The following BDNF variants were observed in gnomAD, a reference collection of about 807,000 sequenced individuals.
The protein encoded by BDNF is brain derived neurotrophic factor, also known as neurotrophic factor BDNF precursor form.
BDNF carries 1 observed loss-of-function variant against 19.5 expected under a neutral mutation model. The ratio of observed to expected loss-of-function variants is 0.05; its 90% CI spans 0.02 to 0.24. The LOEUF is 0.24. Ranked by LOEUF, BDNF falls within the 10% of genes least tolerant of loss-of-function variation. The pLI is 1.00. For synonymous variants in BDNF, 100 were observed against 121.6 expected (o/e 0.82, Z 1.17); for missense variants, 195 against 317.6 (o/e 0.61, Z 2.93).
chr11:27,718,763 A>G (rs1037447572), intron 1 of BDNF, among the ~76,000 whole-genome samples: 1 of 151,814 alleles, frequency 6.6e-6, no homozygotes, highest in Non-Finnish European at 1.5e-5. Flanking sequence ...TTTCCACAAT[A>G]TCCTCGCTTC....
chr11:27,712,205 A>G, intron 1 of BDNF, among the ~76,000 whole-genome samples: 1 of 152,246 alleles, frequency 6.6e-6, no homozygotes, highest in Non-Finnish European at 1.5e-5. Context: ...TGCTGTGTTA[A>G]TAAGTGCTTC....
rs760229139 is a variant in BDNF at position 27,712,861 on chromosome 11, C to T, written c.3+8551G>A. On this transcript the variant is annotated intron_variant, in intron 1 of 1. Transcript: ENST00000314915. ...AAGGGTTTACATAAGCTTTACCAGA[C>T]TGCCAAGAGAGTTGAGTCCATGGCA... Among the ~76,000 whole-genome samples the T allele has an allele frequency of 2.0e-5, 3 of 151,564 alleles. No individual in the cohort carries two copies. The South Asian group carries it at 6.2e-4, about 32-fold the overall frequency.
intron 1 of BDNF, among the ~76,000 whole-genome samples, chr11:27,710,363 C>G (rs1860275299): frequency 6.6e-6 from 1 of 152,082 alleles, no homozygotes; most frequent in Admixed American, 6.6e-5. Flanking sequence ...GGAAGATGCC[C>G]AAGTAGATAT....
At position 27,655,314 on chromosome 11, in the gene BDNF, A is replaced by G. The variant is rs1033412702; in HGVS notation, c.*2507T>C. 6.6e-6 allele frequency: 1 copy of G among 152,656 alleles called. No individual in the cohort carries two copies. The allele number at this position is 152,656 out of a possible 1,614,324, so 9.5% of individuals were successfully genotyped here. ...AATAAATCTTAGGTCAACATAAACC[A>G]TCAAGCATGTGACTGTGATGTATCT... On this transcript the variant is annotated 3_prime_UTR_variant, in exon 2 of 2. Transcript: ENST00000356660.
chr11:27,678,749 C>T (rs1391468060), intron 1 of BDNF, among the ~76,000 whole-genome samples: 1 of 152,108 alleles, frequency 6.6e-6, no homozygotes, highest in African/African-American at 2.4e-5. Context: ...CCCTAGAGGA[C>T]CTTTTACCCC....
chr11:27,698,791 T>C (rs1431402175), intron 1 of BDNF, among the ~76,000 whole-genome samples: 1 of 152,182 alleles, frequency 6.6e-6, no homozygotes, highest in Non-Finnish European at 1.5e-5. Context: ...AGAACATTCC[T>C]GCGTGCTTGT....
upstream of BDNF, among the ~76,000 whole-genome samples, chr11:27,702,711 A>G (rs536396648): frequency 3.9e-5 from 6 of 152,332 alleles, no homozygotes; most frequent in East Asian, 1.2e-3. Flanking sequence ...AGCAAAATGA[A>G]TTCACTAACA....
Position 27,713,474 on chromosome 11 carries a change from T to C in BDNF, c.3+7938A>G, listed in dbSNP as rs141771309. ...CCCTATCCCAAAGGCTTTGGATGTT[T>C]GTGACACCTTTCTGCAATCACCTAA... On this transcript the variant is annotated intron_variant, in intron 1 of 1. Coordinates refer to the BDNF transcript ENST00000314915. Among the ~76,000 whole-genome samples the C allele has an allele frequency of 6.2e-4, 94 of 152,342 alleles. 1 individual carries two copies. The highest frequency in any genetic ancestry group is 2.2e-3 in the African/African-American group (91 of 41,576).
chr11:27,712,388 T>A (rs1029137646), intron 1 of BDNF, among the ~76,000 whole-genome samples: 1 of 152,236 alleles, frequency 6.6e-6, no homozygotes, highest in African/African-American at 2.4e-5. Context: ...TGCTGTTAGA[T>A]CTTATTTAAT....
intron 1 of BDNF, chr11:27,676,148 T>G (rs1471140305): frequency 1.3e-5 from 2 of 152,190 alleles, no homozygotes; most frequent in Non-Finnish European, 2.9e-5. Context: ...CAGGTATTAT[T>G]AACAAAAGAA....
exon 1 of BDNF, chr11:27,721,420 C>G: frequency 6.2e-7 from 1 of 1,614,128 alleles, no homozygotes; most frequent in Non-Finnish European, 8.5e-7. Flanking sequence ...ACCATTGTGC[C>G]TTTGCTGTCC....
intron 1 of BDNF, among the ~76,000 whole-genome samples, chr11:27,711,031 A>T (rs1387067046): frequency 6.6e-6 from 1 of 152,218 alleles, no homozygotes; most frequent in African/African-American, 2.4e-5. Context: ...GATGATAATT[A>T]TAATAATAAA....
At chr11:27,703,116 A>G (rs1481020292), upstream of BDNF, among the ~76,000 whole-genome samples, 1 of 152,192 alleles carries the variant, frequency 6.6e-6, no homozygotes, top group African/African-American at 2.4e-5. Flanking sequence ...TTTATTGTGG[A>G]ATATTTAATG....
At chr11:27,673,449 G>GT (rs1855674607) in intron 1 of BDNF, among the ~76,000 whole-genome samples, 1 of 152,164 alleles carries the variant, frequency 6.6e-6, no homozygotes, top group African/African-American at 2.4e-5. Context: ...AGACCCATTT[G>GT]TCTTATTTCA....
In BDNF at chr11:27,658,976, G is replaced by T. The variant is rs902491739; in HGVS notation, c.-21-391C>A. On this transcript the variant is annotated intron_variant, in intron 1 of 1. Transcript: ENST00000356660. The surrounding 1 kb of genome is among the most constrained non-coding windows in gnomAD (Gnocchi z 5.7). ...AAATGTTACTAAGCAACAACTGCAA[G>T]TGTAATTAATAGTAATTTTTTTCAA... 37 of 1,104,950 alleles carry T rather than the reference G, an allele frequency of 3.3e-5. No individual in the cohort carries two copies. The highest frequency in any genetic ancestry group is 4.1e-5 in the Non-Finnish European group (37 of 894,360). 68.4% of individuals were successfully genotyped at this position (1,104,950 alleles called of 1,614,324 possible).
intron 1 of BDNF, among the ~76,000 whole-genome samples, chr11:27,716,274 A>T: frequency 6.6e-6 from 1 of 152,160 alleles, no homozygotes; most frequent in African/African-American, 2.4e-5. Context: ...TAAGACCTCT[A>T]TTTCCATAGC....
chr11:27,657,633 CTG>C lies in BDNF; in HGVS notation c.*186_*187del. The C allele has an allele frequency of 1.4e-6, 2 of 1,408,866 alleles. No homozygotes were observed. The highest frequency in any genetic ancestry group is 1.8e-6 in the Non-Finnish European group (2 of 1,086,960). 87.3% of individuals were successfully genotyped at this position (1,408,866 alleles called of 1,614,324 possible). On this transcript the variant is annotated 3_prime_UTR_variant, in exon 2 of 2. Transcript: ENST00000356660. This position sits in a 1 kb window ranked among gnomAD's most constrained non-coding sequence, Gnocchi z 5.0. Reference sequence around the variant, plus strand: ...GACTTTTTAAGTTGTGCGCAAATGACTGTTTCCCTTCTGGTCATGGACATGTC... The same window carrying C: ...GACTTTTTAAGTTGTGCGCAAATGACTTTCCCTTCTGGTCATGGACATGTC...
At chr11:27,671,383 A>G (rs1245340320) in intron 1 of BDNF, among the ~76,000 whole-genome samples, 1 of 152,088 alleles carries the variant, frequency 6.6e-6, no homozygotes, top group Non-Finnish European at 1.5e-5. Flanking sequence ...CATGTGGGAA[A>G]AATTTTTCTG....
rs1274604476 is a variant in BDNF, at chr11:27,656,470, G to C, written c.*1351C>G. The C allele has an allele frequency of 5.6e-6, 5 of 897,672 alleles. No homozygotes were observed. The highest frequency in any genetic ancestry group is 5.1e-5 in the South Asian group (1 of 19,506). 55.6% of individuals were successfully genotyped at this position (897,672 alleles called of 1,614,324 possible). On this transcript the variant is annotated 3_prime_UTR_variant, in exon 2 of 2. Coordinates refer to ENST00000356660, the MANE Select transcript of BDNF (RefSeq NM_001709.5). The stretch of plus-strand genomic sequence containing the variant: ...TGTCATTCCAGAGCCACCTCTGAAG[G>C]GTCCTTCAGAGGCCTTCGTTTTGGA...
Sources: gnomAD v4.1 joint callset for allele counts (sites outside exome capture counted in the v4.1 genomes callset) on GRCh38, gnomAD v4.1.1 for gene constraint, Gnocchi (gnomAD v3.1) non-coding constraint, MANE v1.5 for transcripts, NCBI Gene and HGNC (gene_info 2026-07-23, HGNC 2026-07-21) for gene names.